Variants in NAXD observed in about 807,000 individuals in gnomAD.
NAXD encodes the protein ATP-dependent (S)-NAD(P)H-hydrate dehydratase.
NAXD carries 22 observed loss-of-function variants against 35.8 expected under a neutral mutation model. The observed-to-expected ratio is 0.62, with a 90% CI of 0.44 to 0.88. The LOEUF (loss-of-function observed/expected upper bound fraction) is 0.88, where lower values mean the gene tolerates loss of function less well. NAXD is among the 40% of genes least tolerant of loss of function. The pLI, the probability that NAXD is intolerant of heterozygous loss-of-function variation, is 0.00. For synonymous variants in NAXD, 189 were observed against 177.6 expected, an observed-to-expected ratio of 1.06 and a Z score of -0.51; for missense variants, 428 against 437.7, an observed-to-expected ratio of 0.98 and a Z score of 0.20.
intron 1 of NAXD, among the ~76,000 whole-genome samples, chr13:110,620,150 C>T (rs754635943): frequency 1.3e-5 from 2 of 152,026 alleles, no homozygotes; most frequent in African/African-American, 2.4e-5. Context: ...ATAATTTAGC[C>T]CTCCTGGAGG....
In NAXD at chr13:110,638,793, A is replaced by G; in HGVS notation, c.*265A>G. The G allele has an allele frequency of 3.2e-6, 2 of 620,460 alleles. No homozygotes were observed. The highest frequency in any genetic ancestry group is 6.0e-5 in the East Asian group (2 of 33,086). The allele number at this position is 620,460 out of a possible 1,614,324, so 38.4% of individuals were successfully genotyped here. ...GCTCCTTGGTAGTAACTGGGAAGAC[A>G]GAAATGAAGAAAATCACATGAGAAT... On this transcript the variant is annotated 3_prime_UTR_variant, in exon 10 of 10. Coordinates refer to ENST00000680254, the MANE Select transcript of NAXD (RefSeq NM_001242882.2). This position sits in a 1 kb window ranked among gnomAD's most constrained non-coding sequence, Gnocchi z 5.4.
intron 5 of NAXD, among the ~76,000 whole-genome samples, chr13:110,631,884 C>T (rs1394800693): frequency 6.6e-6 from 1 of 152,212 alleles, no homozygotes; most frequent in African/African-American, 2.4e-5. Context: ...GAATGTGCGT[C>T]ATAAACAGGC....
chr13:110,635,724 C>A, intron 8 of NAXD, 136 bp downstream of exon 8: 1 of 1,008,090 alleles, frequency 9.9e-7, no homozygotes. Flanking sequence ...CTGATGAGCT[C>A]GTCAACCACA....
At chr13:110,618,746 A>G (rs1198868547) in intron 1 of NAXD, among the ~76,000 whole-genome samples, 1 of 140,124 alleles carries the variant, frequency 7.1e-6, no homozygotes, top group East Asian at 2.0e-4. Context: ...CATTATTTGA[A>G]TAACAACAAA....
intron 8 of NAXD, 42 bp from the exon 9 acceptor site, chr13:110,637,087 C>G: frequency 6.3e-7 from 1 of 1,576,512 alleles, no homozygotes; most frequent in Non-Finnish European, 8.6e-7. Context: ...CATTCACACA[C>G]ATGGCCATGC....
At chr13:110,637,401 G>A (rs1265369156) in intron 9 of NAXD, 152 bp downstream of exon 9, 1 of 953,948 alleles carries the variant, frequency 1.0e-6, no homozygotes, top group Non-Finnish European at 1.6e-6. Flanking sequence ...AACCCTCTTG[G>A]CAGAAGCTTC....
chr13:110,625,555 C>T (rs932564556), intron 4 of NAXD, among the ~76,000 whole-genome samples: 1 of 152,176 alleles, frequency 6.6e-6, no homozygotes, highest in Non-Finnish European at 1.5e-5. Context: ...CTGTGTGTGA[C>T]AGGTTTGCAG....
At position 110,622,348 on chromosome 13, in the gene NAXD, T is replaced by C. The variant is rs142246181; in HGVS notation, c.179T>C (p.Val60Ala). The C allele has an allele frequency of 1.9e-6, 3 of 1,614,058 alleles. No homozygotes were observed. In the African/African-American group the frequency reaches 4.0e-5, roughly 22 times the overall value. ...AAAGGGCAAGATGGAAGAATAGGCG[T>C]AGTTGGAGGCTGTCAGGAGTAAGTA... The part of the protein sequence containing the change: ...KHKGQDGRIG[V>A]VGGCQEYTGA... The change falls in exon 2 of 10, where the codon GTA becomes GCA. Residue 60 changes from valine to alanine, a missense_variant. Coordinates refer to ENST00000680254, the MANE Select transcript of NAXD (RefSeq NM_001242882.2).
At chr13:110,635,920 T>G (rs918323478) in intron 8 of NAXD, among the ~76,000 whole-genome samples, 9 of 152,266 alleles carry the variant, frequency 5.9e-5, no homozygotes, top group Non-Finnish European at 1.2e-4. Flanking sequence ...CGTCTCCAGC[T>G]GCCACCTTCA....
intron 5 of NAXD, among the ~76,000 whole-genome samples, chr13:110,632,953 C>G (rs1001214386): frequency 2.6e-5 from 4 of 152,228 alleles, no homozygotes; most frequent in African/African-American, 9.6e-5. Context: ...GACTCAGGAG[C>G]CCAGCTGGCT....
intron 1 of NAXD, among the ~76,000 whole-genome samples, chr13:110,620,576 C>T (rs1221388157): frequency 6.0e-5 from 7 of 117,200 alleles, no homozygotes; most frequent in Non-Finnish European, 1.2e-4. Context: ...GAGACTCTGT[C>T]TCAAAAAAAA....
chr13:110,634,861 G>A, intron 7 of NAXD, 85 bp downstream of exon 7: 1 of 1,024,614 alleles, frequency 9.8e-7, no homozygotes, highest in South Asian at 1.3e-5. Flanking sequence ...CTTCTGCCCA[G>A]CCTGTCCCTG....
intron 1 of NAXD, 82 bp from the exon 2 acceptor site, chr13:110,622,134 G>A: frequency 8.9e-7 from 1 of 1,117,794 alleles, no homozygotes. Context: ...TAACTTTGGA[G>A]AGGGTTTTGG....
intron 1 of NAXD, among the ~76,000 whole-genome samples, chr13:110,617,862 C>T (rs1415819049): frequency 6.6e-6 from 1 of 152,196 alleles, no homozygotes; most frequent in African/African-American, 2.4e-5. Context: ...GAGTGAATCA[C>T]GATGTCTTGA....
At chr13:110,619,554 A>G (rs1028580941) in intron 1 of NAXD, among the ~76,000 whole-genome samples, 1 of 152,170 alleles carries the variant, frequency 6.6e-6, no homozygotes, top group South Asian at 2.1e-4. Flanking sequence ...TAAATATTTA[A>G]TTTGAAGTAC....
chr13:110,634,419 C>A, intron 5 of NAXD, 126 bp from the exon 6 acceptor site: 1 of 943,840 alleles, frequency 1.1e-6, no homozygotes, highest in Non-Finnish European at 1.7e-6. Flanking sequence ...GCCACATCAC[C>A]TTTTAAAGGC....
intron 8 of NAXD, among the ~76,000 whole-genome samples, chr13:110,636,815 T>C (rs1886943678): frequency 6.6e-6 from 1 of 152,218 alleles, no homozygotes; most frequent in Admixed American, 6.5e-5. Context: ...GCCGCCCTGC[T>C]CAGAGCTGCC....
At chr13:110,617,295 C>T (rs1566611849) in intron 1 of NAXD, among the ~76,000 whole-genome samples, 1 of 152,114 alleles carries the variant, frequency 6.6e-6, no homozygotes, top group Non-Finnish European at 1.5e-5. Flanking sequence ...ATAGTCTTCC[C>T]CAGACACGCT....
At position 110,616,860 on chromosome 13, in the gene NAXD, C is replaced by T. The variant is rs570013173; in HGVS notation, c.46+1213C>T. ...TGCTGTAGTCATTAGATAGATTTTA[C>T]CTTGTGTGTATGTTGGGCATCGTCA... On this transcript the variant is annotated intron_variant, in intron 1 of 9. Transcript: ENST00000680254. 1.7e-4 allele frequency among the ~76,000 whole-genome samples: 26 copies of T among 152,274 alleles called. No homozygotes were observed. The South Asian group carries it at 5.4e-3, about 32-fold the overall frequency.
Sources: gnomAD v4.1 joint callset for allele counts (sites outside exome capture counted in the v4.1 genomes callset) on GRCh38, gnomAD v4.1.1 for gene constraint, Gnocchi (gnomAD v3.1) non-coding constraint, MANE v1.5 for transcripts, NCBI Gene and HGNC (gene_info 2026-07-23, HGNC 2026-07-21) for gene names.